The following SPMIP2 variants were observed in gnomAD, a reference collection of about 807,000 sequenced individuals.
SPMIP2 encodes protein SPMIP2.
At chr4:159,037,544 C>T in the SPMIP2 span, among the ~76,000 whole-genome samples, 3 of 151,022 alleles carry the variant, frequency 2.0e-5, no homozygotes, top group African/African-American at 2.4e-5. Context: ...TTTGGGAGGT[C>T]GAGATGGGTG....
At chr4:159,034,938 C>T in the SPMIP2 span, 1 of 856,510 alleles carries the variant, frequency 1.2e-6, no homozygotes, top group Non-Finnish European at 1.8e-6. Context: ...CATATGTGAT[C>T]ATTGCATTGT....
chr4:159,003,833 TCAAACTAC>T, the SPMIP2 span, among the ~76,000 whole-genome samples: 1 of 152,166 alleles, frequency 6.6e-6, no homozygotes, highest in Admixed American at 6.6e-5. Flanking sequence ...GAATGGTAGC[TCAAACTAC>T]CATTCCCCAG....
At chr4:158,987,607 C>G in the SPMIP2 span, among the ~76,000 whole-genome samples, 4 of 151,770 alleles carry the variant, frequency 2.6e-5, no homozygotes, top group Admixed American at 2.6e-4. Flanking sequence ...GAAAGGGGAA[C>G]AACACACTCT....
At chr4:158,895,687 C>T in the SPMIP2 span, 1 of 1,001,510 alleles carries the variant, frequency 1.0e-6, no homozygotes, top group Non-Finnish European at 1.5e-6. Context: ...AAAATTCTGA[C>T]TCTTAAAATA....
At chr4:158,977,597 G>GTTT in the SPMIP2 span, among the ~76,000 whole-genome samples, 1 of 74,602 alleles carries the variant, frequency 1.3e-5, no homozygotes, top group South Asian at 5.5e-4. Context: ...ATCTCCTTCA[G>GTTT]TTCTTTTTTT....
At chr4:159,055,635 A>AG in the SPMIP2 span, among the ~76,000 whole-genome samples, 1 of 152,164 alleles carries the variant, frequency 6.6e-6, no homozygotes. Context: ...ACTTGAGCCC[A>AG]GGAAGTTGAA....
the SPMIP2 span, chr4:158,973,136 T>G: frequency 2.5e-6 from 4 of 1,611,934 alleles, no homozygotes; most frequent in Admixed American, 5.0e-5. Flanking sequence ...ACTGTGGTAT[T>G]CTCCAACCAA....
chr4:159,005,313 G>A, the SPMIP2 span, among the ~76,000 whole-genome samples: 1 of 151,686 alleles, frequency 6.6e-6, no homozygotes, highest in African/African-American at 2.4e-5. Context: ...GCATGGTGGT[G>A]AGTGTCTGTA....
the SPMIP2 span, among the ~76,000 whole-genome samples, chr4:159,016,016 A>G: frequency 6.6e-6 from 1 of 152,274 alleles, no homozygotes; most frequent in Non-Finnish European, 1.5e-5. Flanking sequence ...GGGTGTGGTC[A>G]GTCTGTAGTA....
At chr4:158,976,692 G>T in the SPMIP2 span, among the ~76,000 whole-genome samples, 1 of 112,064 alleles carries the variant, frequency 8.9e-6, no homozygotes, top group Non-Finnish European at 1.7e-5. Flanking sequence ...TTGAGACAGA[G>T]TCTCGCTCTG....
At chr4:159,008,814 G>C in the SPMIP2 span, among the ~76,000 whole-genome samples, 2 of 152,140 alleles carry the variant, frequency 1.3e-5, no homozygotes, top group African/African-American at 4.8e-5. Context: ...TTCATTTCAT[G>C]AATTCCATTC....
the SPMIP2 span, chr4:158,960,151 T>C: frequency 1.7e-6 from 1 of 589,950 alleles, no homozygotes; most frequent in Non-Finnish European, 3.0e-6. Flanking sequence ...GAAATAAAAA[T>C]TCGTAAATTT....
chr4:159,012,596 G>C, the SPMIP2 span, among the ~76,000 whole-genome samples: 1 of 151,632 alleles, frequency 6.6e-6, no homozygotes, highest in Admixed American at 6.6e-5. Flanking sequence ...TTTTTTTAGA[G>C]GATCTCACTC....
the SPMIP2 span, among the ~76,000 whole-genome samples, chr4:159,073,993 A>T: frequency 7.9e-5 from 12 of 152,236 alleles, no homozygotes; most frequent in Non-Finnish European, 1.6e-4. Flanking sequence ...TGACAGAGTG[A>T]GACTCTGTCT....
chr4:158,899,632 T>G, the SPMIP2 span, among the ~76,000 whole-genome samples: 1 of 152,244 alleles, frequency 6.6e-6, no homozygotes. Context: ...TCTAGTTTAT[T>G]TGAGTAGAGG....
At chr4:159,030,782 C>A in the SPMIP2 span, among the ~76,000 whole-genome samples, 1 of 152,108 alleles carries the variant, frequency 6.6e-6, no homozygotes, top group African/African-American at 2.4e-5. Context: ...AGGGTGTGAG[C>A]CACCACGTCC....
At chr4:158,986,138 T>C in the SPMIP2 span, among the ~76,000 whole-genome samples, 1 of 150,920 alleles carries the variant, frequency 6.6e-6, no homozygotes, top group Non-Finnish European at 1.5e-5. Flanking sequence ...TAAAAGAGGA[T>C]ACAAACAAAT....
chr4:159,081,319 A>G, the SPMIP2 span, among the ~76,000 whole-genome samples: 1 of 152,150 alleles, frequency 6.6e-6, no homozygotes, highest in Admixed American at 6.5e-5. Context: ...GATTACAGGC[A>G]TGAGCCACCA....
the SPMIP2 span, among the ~76,000 whole-genome samples, chr4:158,894,605 G>C: frequency 6.6e-6 from 1 of 152,034 alleles, no homozygotes; most frequent in Non-Finnish European, 1.5e-5. Flanking sequence ...AACAGAAAGG[G>C]TTCAATGTAA....
Sources: allele counts gnomAD v4.1 joint callset (sites outside exome capture counted in the v4.1 genomes callset), GRCh38; gene constraint gnomAD v4.1.1; transcripts MANE v1.5; gene names NCBI Gene and HGNC (gene_info 2026-07-23, HGNC 2026-07-21).